The following SLC11A2 variants were observed in gnomAD, a reference collection of about 807,000 sequenced individuals.
The protein encoded by SLC11A2 is solute carrier family 11 member 2.
SLC11A2 carries 38 observed loss-of-function variants against 68.0 expected under a neutral mutation model. The observed-to-expected ratio is 0.56, with a 90% confidence interval of 0.43 to 0.73. The LOEUF is 0.73. Ranked by LOEUF, SLC11A2 falls within the 30% of genes least tolerant of loss-of-function variation. The pLI, the probability that SLC11A2 is intolerant of heterozygous loss-of-function variation, is 0.00. For synonymous variants in SLC11A2, 242 were observed against 250.6 expected, an observed-to-expected ratio of 0.97 and a Z score of 0.32; for missense variants, 517 against 690.5, an observed-to-expected ratio of 0.75 and a Z score of 2.82.
At chr12:51,003,551 CA>C (rs371557171) in intron 5 of SLC11A2, among the ~76,000 whole-genome samples, 12 of 129,336 alleles carry the variant, frequency 9.3e-5, no homozygotes, top group South Asian at 2.4e-4. Context: ...GATTCTGTCT[CA>C]AAAAAAAAAA....
downstream of SLC11A2, chr12:50,980,336 A>G: frequency 6.1e-6 from 1 of 163,172 alleles, no homozygotes; most frequent in South Asian, 1.7e-4. Flanking sequence ...CCTGGCCAAC[A>G]TGGTGAAACC....
intron 1 of SLC11A2, among the ~76,000 whole-genome samples, chr12:51,021,455 A>G (rs1566042544): frequency 6.6e-6 from 1 of 152,042 alleles, no homozygotes; most frequent in Non-Finnish European, 1.5e-5. Flanking sequence ...GCAAAACCCC[A>G]TCTCTACTAA....
chr12:51,001,849 C>G (rs1365536838), intron 5 of SLC11A2, among the ~76,000 whole-genome samples: 1 of 151,950 alleles, frequency 6.6e-6, no homozygotes, highest in Non-Finnish European at 1.5e-5. Context: ...CAAACCACCA[C>G]CACAACAACA....
At chr12:51,005,266 G>T (rs766743108) in intron 4 of SLC11A2, 45 bp downstream of exon 4, 23 of 1,603,498 alleles carry the variant, frequency 1.4e-5, no homozygotes, top group Non-Finnish European at 1.9e-5. Context: ...GGATGTGAGA[G>T]TGTATTATGT....
At chr12:50,982,576 G>A (rs879511625), downstream of SLC11A2, among the ~76,000 whole-genome samples, 9 of 152,052 alleles carry the variant, frequency 5.9e-5, no homozygotes, top group African/African-American at 9.7e-5. Flanking sequence ...GCAGTGAGCC[G>A]AGATTGCACC....
rs1940653404 is a variant in SLC11A2 at position 50,987,094 on chromosome 12, G to A, written c.*1231C>T. The A allele has an allele frequency of 7.8e-7, 1 of 1,286,208 alleles. No individual in the cohort carries two copies. Among genetic ancestry groups the A allele is most frequent in the Non-Finnish European group, 1.0e-6 (1 of 988,332 alleles). 79.7% of individuals were successfully genotyped at this position (1,286,208 alleles called of 1,614,324 possible). ...TGTAAAAATGTCAGAAGTGGCTGAA[G>A]TAAAAGCAGCAGCTTTGTGCTGAAG... On this transcript the variant is annotated 3_prime_UTR_variant, in exon 16 of 16. Transcript: ENST00000262052.
intron 5 of SLC11A2, among the ~76,000 whole-genome samples, chr12:51,004,587 C>T (rs1942556400): frequency 1.3e-5 from 2 of 152,084 alleles, no homozygotes; most frequent in Admixed American, 6.6e-5. Flanking sequence ...ATGCGAGTCT[C>T]AAGTTAGATT....
intron 11 of SLC11A2, 61 bp from the exon 12 acceptor site, chr12:50,992,990 A>T: frequency 1.2e-6 from 2 of 1,600,646 alleles, no homozygotes; most frequent in Non-Finnish European, 1.7e-6. Context: ...CAATATCCAA[A>T]ACAGCAGTTC....
At chr12:50,993,596 G>A (rs550003665) in intron 11 of SLC11A2, among the ~76,000 whole-genome samples, 9 of 151,784 alleles carry the variant, frequency 5.9e-5, no homozygotes, top group Non-Finnish European at 8.8e-5. Context: ...GAGGCCGAGG[G>A]GGGGGTGGAT....
intron 1 of SLC11A2, among the ~76,000 whole-genome samples, chr12:51,014,931 C>A (rs577479901): frequency 6.6e-6 from 1 of 151,766 alleles, no homozygotes; most frequent in East Asian, 1.9e-4. Flanking sequence ...GAGGCTGAGG[C>A]AGGCAGATCA....
chr12:50,989,401 G>A (rs1258996167), intron 15 of SLC11A2, among the ~76,000 whole-genome samples: 3 of 152,170 alleles, frequency 2.0e-5, no homozygotes, highest in Non-Finnish European at 4.4e-5. Flanking sequence ...TAAGGCAGGC[G>A]AATCACTTGA....
chr12:50,979,752 AG>A (rs1050948658), downstream of SLC11A2: 1 of 423,348 alleles, frequency 2.4e-6, no homozygotes, highest in Non-Finnish European at 4.8e-6. Context: ...TGCCTCTTTA[AG>A]GGCCGATTAT....
chr12:50,964,135 C>A, the SLC11A2 span, among the ~76,000 whole-genome samples: 72,386 of 151,976 alleles, frequency 0.48, 18,219 homozygotes, highest in South Asian at 0.65. Context: ...GGTAAATGGA[C>A]GTGGGGAATA....
chr12:51,001,599 A>AAAAG (rs1555220486), intron 5 of SLC11A2, among the ~76,000 whole-genome samples: 73 of 147,516 alleles, frequency 4.9e-4, no homozygotes, highest in South Asian at 1.3e-3. Context: ...AAAAAAAAAA[A>AAAAG]AAAGAAAGAA....
chr12:51,020,012 T>C (rs1333408377), intron 1 of SLC11A2, among the ~76,000 whole-genome samples: 1 of 152,168 alleles, frequency 6.6e-6, no homozygotes, highest in Non-Finnish European at 1.5e-5. Flanking sequence ...AGAATAGACA[T>C]GTGAATTTCC....
At chr12:51,021,354 G>A (rs139334638) in intron 1 of SLC11A2, among the ~76,000 whole-genome samples, 5 of 151,660 alleles carry the variant, frequency 3.3e-5, no homozygotes, top group East Asian at 3.9e-4. Context: ...GGCCAGGCGC[G>A]GTGGCTCACA....
the SLC11A2 span, among the ~76,000 whole-genome samples, chr12:50,963,369 CAA>C: frequency 0.041 from 2,996 of 72,326 alleles, 81 homozygotes; most frequent in African/African-American, 0.11. Context: ...GACTCCATCT[CAA>C]AAAAAAAAAA....
At chr12:50,979,386 A>G (rs1461636295), downstream of SLC11A2, 1 of 164,520 alleles carries the variant, frequency 6.1e-6, no homozygotes. Context: ...TAAGTACTTA[A>G]CCAACCACCT....
chr12:51,008,623 G>A lies in SLC11A2; in HGVS notation c.36C>T (p.Asp12=). The change falls in exon 3 of 16, where the codon GAC becomes GAT. Residue 12 remains aspartate (D), a splice_region_variant and synonymous_variant. Transcript: ENST00000262052. The stretch of plus-strand genomic sequence containing the variant: ...ACTCCCCATGATCTCCAGAAACACT[G>A]TCTGAATTAACAGATTTGAAAATAA... ...VLGPEQKMSD[D]SVSGDHGESA... 2 of 1,610,164 alleles carry A rather than the reference G, an allele frequency of 1.2e-6. No individual in the cohort carries two copies. Among genetic ancestry groups the A allele is most frequent in the East Asian group, 2.2e-5 (1 of 44,858 alleles).
Sources: allele counts gnomAD v4.1 joint callset (sites outside exome capture counted in the v4.1 genomes callset), GRCh38; gene constraint gnomAD v4.1.1; transcripts MANE v1.5; gene names NCBI Gene and HGNC (gene_info 2026-07-23, HGNC 2026-07-21).